Variants in SLIT2 observed in about 807,000 individuals in gnomAD.
SLIT2 encodes the protein slit guidance ligand 2, also known as slit homolog 2 protein.
A neutral mutation model predicts 185.7 loss-of-function variants in SLIT2; 41 were observed. That is an observed-to-expected ratio of 0.22 (90% CI 0.17 to 0.29). The LOEUF (loss-of-function observed/expected upper bound fraction) is 0.29, where lower values mean the gene tolerates loss of function less well. Ranked by LOEUF, SLIT2 falls within the 10% of genes least tolerant of loss-of-function variation. The pLI, the probability that SLIT2 is intolerant of heterozygous loss-of-function variation, is 1.00. For synonymous variants in SLIT2, 693 were observed against 680.2 expected (o/e 1.02, Z -0.29); for missense variants, 1,571 against 1,909.0 (o/e 0.82, Z 3.30).
intron 4 of SLIT2, among the ~76,000 whole-genome samples, chr4:20,385,566 C>T (rs1724870128): frequency 6.6e-6 from 1 of 152,150 alleles, no homozygotes; most frequent in African/African-American, 2.4e-5. Context: ...CATATCTGCA[C>T]CTTCACTTGC....
At chr4:20,310,745 G>T (rs1718032152) in intron 4 of SLIT2, among the ~76,000 whole-genome samples, 1 of 152,106 alleles carries the variant, frequency 6.6e-6, no homozygotes, top group Non-Finnish European at 1.5e-5. Flanking sequence ...TTCTGTAACT[G>T]AATTTCAAGT....
intron 4 of SLIT2, among the ~76,000 whole-genome samples, chr4:20,291,492 A>AT (rs1157453738): frequency 4.4e-4 from 8 of 18,262 alleles, no homozygotes; most frequent in African/African-American, 1.2e-3. Flanking sequence ...ATATATATAT[A>AT]TTTTTTTTTT....
chr4:20,339,202 G>A (rs4696956), intron 4 of SLIT2, among the ~76,000 whole-genome samples: 131,947 of 151,976 alleles, frequency 0.87, 57,457 homozygotes, highest in African/African-American at 0.92. Context: ...TATTGAAAAG[G>A]TAATAACCAA....
Position 20,620,246 on chromosome 4 carries a change from A to G in SLIT2, c.*1237A>G. The G allele has an allele frequency of 3.1e-6, 1 of 326,932 alleles. No homozygotes were observed. Among genetic ancestry groups the G allele is most frequent in the Non-Finnish European group, 5.9e-6 (1 of 170,172 alleles). The allele number at this position is 326,932 out of a possible 1,614,324, so 20.3% of individuals were successfully genotyped here. A position where few individuals can be genotyped will look rare whatever the true frequency, so the allele number is the denominator to read the frequency against. On this transcript the variant is annotated 3_prime_UTR_variant, in exon 37 of 37. Coordinates refer to ENST00000504154, the MANE Select transcript of SLIT2 (RefSeq NM_004787.4). The stretch of plus-strand genomic sequence containing the variant: ...TTGTGGGGGTGAGGTGGGGATAAAA[A>G]GACTGTCATATCAAGAACTGTGACT...
At position 20,252,539 on chromosome 4, in the gene SLIT2, G is replaced by T. The variant is rs1168972576; in HGVS notation, c.-1277G>T. Reference sequence around the variant, plus strand: ...GGACGGAATTCAAAGCCTGGGAAAAGTTGCTGCACTTTGAGAAGGACGAAC... The same window carrying T: ...GGACGGAATTCAAAGCCTGGGAAAATTTGCTGCACTTTGAGAAGGACGAAC... On this transcript the variant is annotated 5_prime_UTR_variant, in exon 1 of 37. Coordinates refer to ENST00000504154, the MANE Select transcript of SLIT2 (RefSeq NM_004787.4). Among the ~76,000 whole-genome samples, 1 of 152,198 alleles carries T rather than the reference G, an allele frequency of 6.6e-6. No individual in the cohort carries two copies. Among genetic ancestry groups the T allele is most frequent in the Admixed American group, 6.5e-5 (1 of 15,292 alleles).
chr4:20,465,964 C>CTTTTTT (rs34983010), intron 4 of SLIT2, among the ~76,000 whole-genome samples: 1 of 146,080 alleles, frequency 6.8e-6, no homozygotes, highest in Non-Finnish European at 1.5e-5. Flanking sequence ...CTCTTTGAGG[C>CTTTTTT]TTTTTTTTTT....
intron 4 of SLIT2, among the ~76,000 whole-genome samples, chr4:20,336,889 C>T (rs557457340): frequency 1.3e-5 from 2 of 152,170 alleles, no homozygotes; most frequent in East Asian, 3.9e-4. Flanking sequence ...ATGTTGACAC[C>T]ATGTGGGAAT....
chr4:20,257,459 T>C (rs1447184472), intron 2 of SLIT2, among the ~76,000 whole-genome samples: 1 of 152,046 alleles, frequency 6.6e-6, no homozygotes, highest in Non-Finnish European at 1.5e-5. Flanking sequence ...TCATTACAAA[T>C]TATTCCAGTT....
At chr4:20,421,667 A>C (rs935926308) in intron 4 of SLIT2, among the ~76,000 whole-genome samples, 1 of 152,180 alleles carries the variant, frequency 6.6e-6, no homozygotes, top group African/African-American at 2.4e-5. Context: ...GAAAAATATA[A>C]ATAGATTTAT....
At chr4:20,394,521 C>G (rs1356029552) in intron 4 of SLIT2, 2 of 151,128 alleles carry the variant, frequency 1.3e-5, no homozygotes, top group African/African-American at 4.9e-5. Context: ...TTTTTTTTTT[C>G]TAAATAGGAG....
chr4:20,503,148 TTGA>T (rs1257131028), intron 9 of SLIT2, among the ~76,000 whole-genome samples: 1 of 152,188 alleles, frequency 6.6e-6, no homozygotes, highest in Non-Finnish European at 1.5e-5. Context: ...ATGTTATAGA[TTGA>T]TGATTAATCA....
intron 30 of SLIT2, 110 bp downstream of exon 30, chr4:20,589,847 G>C: frequency 1.5e-6 from 1 of 682,480 alleles, no homozygotes; most frequent in South Asian, 1.7e-5. Flanking sequence ...GGATTAAAGG[G>C]ACCTATTCAC....
At chr4:20,599,351 T>A (rs998561242) in intron 33 of SLIT2, among the ~76,000 whole-genome samples, 2 of 152,172 alleles carry the variant, frequency 1.3e-5, no homozygotes, top group African/African-American at 4.8e-5. Flanking sequence ...TTTAATTTTT[T>A]CACATGTAGA....
chr4:20,469,216 C>T (rs1227756269), intron 5 of SLIT2, among the ~76,000 whole-genome samples: 2 of 152,162 alleles, frequency 1.3e-5, no homozygotes, highest in Non-Finnish European at 2.9e-5. Flanking sequence ...GTAGCATTTA[C>T]TTAAGTTGCC....
At chr4:20,293,284 C>G (rs1361253188) in intron 4 of SLIT2, among the ~76,000 whole-genome samples, 2 of 152,084 alleles carry the variant, frequency 1.3e-5, no homozygotes, top group African/African-American at 4.8e-5. Flanking sequence ...AAGATTATGA[C>G]TATGAATTGA....
In SLIT2 at chr4:20,553,809, A is replaced by G. The variant is rs1723999382; in HGVS notation, c.2566A>G (p.Ile856Val). 1.3e-6 allele frequency: 2 copies of G among 1,567,658 alleles called. No individual in the cohort carries two copies. The highest frequency in any genetic ancestry group is 2.8e-5 in the African/African-American group (2 of 72,712). The stretch of plus-strand genomic sequence containing the variant: ...TCTGTGGTGTTGTTTTTCCAGAGCA[A>G]TTGGAGCCAACCCTCTTTACTGTGA... ...NDLSALSHLA[I>V]GANPLYCDCN... is the part of the protein sequence containing the mutation. The change falls in exon 26 of 37, where the codon ATT (isoleucine) becomes GTT (valine). Residue 856 changes from isoleucine (I) to valine (V), a missense_variant. Physicochemically the swap from Ile to Val is conservative, Grantham distance 29. Around this residue, in one of 3 missense-constraint regions of SLIT2, gnomAD observed 1,202 missense variants for 1,416.4 expected, o/e 0.85. Coordinates refer to ENST00000504154, the MANE Select transcript of SLIT2 (RefSeq NM_004787.4).
intron 4 of SLIT2, among the ~76,000 whole-genome samples, chr4:20,448,844 G>T (rs1041082343): frequency 6.6e-6 from 1 of 151,950 alleles, no homozygotes; most frequent in African/African-American, 2.4e-5. Context: ...CACCATGTTA[G>T]CCAGGATGGT....
chr4:20,425,934 T>A (rs2109481322), intron 4 of SLIT2, among the ~76,000 whole-genome samples: 1 of 152,324 alleles, frequency 6.6e-6, no homozygotes, highest in African/African-American at 2.4e-5. Context: ...CATGAGTTTT[T>A]CAAGACTCTT....
intron 9 of SLIT2, among the ~76,000 whole-genome samples, chr4:20,492,398 A>G (rs1027467117): frequency 6.6e-6 from 1 of 152,236 alleles, no homozygotes; most frequent in South Asian, 2.1e-4. Flanking sequence ...GATTTTTTAT[A>G]TAGTGCATGT....
Sources: allele counts gnomAD v4.1 joint callset (sites outside exome capture counted in the v4.1 genomes callset), GRCh38; gene constraint gnomAD v4.1.1; regional missense constraint gnomAD v4.1.1; transcripts MANE v1.5; gene names NCBI Gene and HGNC (gene_info 2026-07-23, HGNC 2026-07-21).